The following NPAS3 variants were observed in gnomAD, a reference collection of about 807,000 sequenced individuals.
NPAS3 encodes neuronal PAS domain protein 3.
A neutral mutation model predicts 73.1 loss-of-function variants in NPAS3; 14 were observed. The observed-to-expected ratio is 0.19, with a 90% confidence interval of 0.13 to 0.30. The LOEUF (loss-of-function observed/expected upper bound fraction) is 0.30. NPAS3 is among the 10% of genes least tolerant of loss of function. NPAS3 has a pLI of 1.00. For synonymous variants in NPAS3, 620 were observed against 541.5 expected, an observed-to-expected ratio of 1.14 and a Z score of -2.01; for missense variants, 1,096 against 1,250.0, an observed-to-expected ratio of 0.88 and a Z score of 1.86.
intron 1 of NPAS3, among the ~76,000 whole-genome samples, chr14:33,008,759 G>T (rs1248603724): frequency 6.6e-6 from 1 of 152,136 alleles, no homozygotes; most frequent in Non-Finnish European, 1.5e-5. Flanking sequence ...GTAGGCCTTG[G>T]ATGTACAGAA....
chr14:33,453,843 A>C (rs1235864937), intron 4 of NPAS3, among the ~76,000 whole-genome samples: 1 of 152,076 alleles, frequency 6.6e-6, no homozygotes, highest in Admixed American at 6.5e-5. Context: ...ATGGTCTGAT[A>C]TGCTTCCTTT....
chr14:33,774,428 C>T, exon 8 of NPAS3: 2 of 1,614,102 alleles, frequency 1.2e-6, no homozygotes, highest in Non-Finnish European at 1.7e-6. Flanking sequence ...GTGGTTGTTG[C>T]GCATGCCTTG....
At chr14:33,397,543 G>A (rs1238492793) in intron 4 of NPAS3, among the ~76,000 whole-genome samples, 3 of 151,970 alleles carry the variant, frequency 2.0e-5, no homozygotes, top group Non-Finnish European at 4.4e-5. Context: ...ATTCTAATTA[G>A]TCAATTGCAT....
intron 3 of NPAS3, among the ~76,000 whole-genome samples, chr14:33,273,481 A>C (rs186437805): frequency 6.6e-6 from 1 of 152,276 alleles, no homozygotes; most frequent in East Asian, 1.9e-4. Flanking sequence ...ATAAATTGGA[A>C]GCTATAATAT....
chr14:33,676,238 G>A (rs1187772913), exon 6 of NPAS3: 2 of 1,613,788 alleles, frequency 1.2e-6, no homozygotes, highest in African/African-American at 2.7e-5. Flanking sequence ...CAGTGTCTTT[G>A]ACTATGTCCA....
chr14:33,403,324 C>T (rs1485039539), intron 4 of NPAS3, among the ~76,000 whole-genome samples: 2 of 151,958 alleles, frequency 1.3e-5, no homozygotes, highest in East Asian at 3.9e-4. Context: ...GGATCTCATT[C>T]TCTGATGCTT....
intron 3 of NPAS3, among the ~76,000 whole-genome samples, chr14:33,358,230 T>C (rs1226529204): frequency 6.6e-6 from 1 of 151,952 alleles, no homozygotes; most frequent in African/African-American, 2.4e-5. Flanking sequence ...ATCTAAGCAG[T>C]GGTGTTGAGG....
At chr14:33,493,680 A>G (rs1181653495) in intron 4 of NPAS3, among the ~76,000 whole-genome samples, 1 of 152,134 alleles carries the variant, frequency 6.6e-6, no homozygotes, top group Non-Finnish European at 1.5e-5. Flanking sequence ...CTTCCCTGTG[A>G]CTAAAAACCA....
rs2046522144 is a variant in NPAS3, at chr14:33,380,941, A to G, written c.468+13673A>G. On this transcript the variant is annotated intron_variant, in intron 4 of 11. Coordinates refer to ENST00000356141, the Ensembl canonical transcript of NPAS3. ...TTAGGTTGATACAATGTTTTAGTAAATTTCATCTGGTATAGAGATTAGACC... is the reference window on the plus strand; with the variant it reads ...TTAGGTTGATACAATGTTTTAGTAAGTTTCATCTGGTATAGAGATTAGACC... 2.0e-5 allele frequency among the ~76,000 whole-genome samples: 3 copies of G among 152,070 alleles called. No individual in the cohort carries two copies. In the South Asian group the frequency reaches 6.2e-4, roughly 32 times the overall value.
chr14:33,222,971 C>T (rs529589447), intron 3 of NPAS3, among the ~76,000 whole-genome samples: 22 of 152,218 alleles, frequency 1.4e-4, no homozygotes, highest in African/African-American at 5.3e-4. Flanking sequence ...CTAGTCCCTG[C>T]CCTGTGGTAG....
chr14:33,056,190 G>GA (rs1399022481), intron 2 of NPAS3, among the ~76,000 whole-genome samples, 196 bp downstream of exon 2: 1 of 151,340 alleles, frequency 6.6e-6, no homozygotes, highest in Non-Finnish European at 1.5e-5. Flanking sequence ...GATCAAGACA[G>GA]AAAAAAAATG....
At chr14:33,384,725 C>T (rs1327482028) in intron 4 of NPAS3, among the ~76,000 whole-genome samples, 2 of 152,062 alleles carry the variant, frequency 1.3e-5, no homozygotes, top group South Asian at 2.1e-4. Context: ...AGCAGAACTC[C>T]GTCTCAAAAA....
chr14:33,368,102 C>T (rs921872870), intron 4 of NPAS3, among the ~76,000 whole-genome samples: 8 of 151,866 alleles, frequency 5.3e-5, no homozygotes, highest in Admixed American at 5.2e-4. Context: ...GATATGTAGG[C>T]CGCTTACTGT....
At chr14:33,698,340 A>G (rs1046424201) in intron 6 of NPAS3, among the ~76,000 whole-genome samples, 1 of 152,236 alleles carries the variant, frequency 6.6e-6, no homozygotes, top group African/African-American at 2.4e-5. Context: ...TATGTGAGTA[A>G]ACAATCTGTG....
intron 4 of NPAS3, among the ~76,000 whole-genome samples, chr14:33,460,514 C>G (rs1369491453): frequency 2.6e-5 from 4 of 152,212 alleles, no homozygotes; most frequent in Admixed American, 2.6e-4. Flanking sequence ...GAAGCTGTGA[C>G]TCTTCCCAAA....
At chr14:33,203,156 A>G (rs1389504714) in intron 2 of NPAS3, among the ~76,000 whole-genome samples, 5 of 152,254 alleles carry the variant, frequency 3.3e-5, no homozygotes, top group Non-Finnish European at 5.9e-5. Flanking sequence ...TGAGTTGCCA[A>G]TGATGGCACA....
chr14:33,615,381 C>T (rs1218160006), intron 5 of NPAS3, among the ~76,000 whole-genome samples: 2 of 152,024 alleles, frequency 1.3e-5, no homozygotes, highest in South Asian at 2.1e-4. Context: ...GTGACAGCAG[C>T]GACTGCAGAG....
chr14:33,334,698 A>T (rs928668789), intron 3 of NPAS3, among the ~76,000 whole-genome samples: 1 of 151,886 alleles, frequency 6.6e-6, no homozygotes, highest in Admixed American at 6.6e-5. Context: ...TTTAATTTTA[A>T]TTTTTTTTAT....
At chr14:33,239,765 T>C (rs1433080125) in intron 3 of NPAS3, among the ~76,000 whole-genome samples, 1 of 151,944 alleles carries the variant, frequency 6.6e-6, no homozygotes, top group East Asian at 1.9e-4. Flanking sequence ...TGTACAGAAG[T>C]GTCACCTTGT....
Sources: allele counts gnomAD v4.1 joint callset (sites outside exome capture counted in the v4.1 genomes callset), GRCh38; gene constraint gnomAD v4.1.1; transcripts MANE v1.5; gene names NCBI Gene and HGNC (gene_info 2026-07-23, HGNC 2026-07-21).